The following ACSM2B variants were observed in gnomAD, a reference collection of about 807,000 sequenced individuals.
ACSM2B encodes the protein acyl-CoA synthetase medium chain family member 2B, also known as acyl-coenzyme A synthetase ACSM2B, mitochondrial.
ACSM2B carries 58 observed loss-of-function variants against 78.6 expected under a neutral mutation model. The observed-to-expected ratio is 0.74, with a 90% CI of 0.60 to 0.92. The LOEUF (loss-of-function observed/expected upper bound fraction) is 0.92. Ranked by LOEUF, ACSM2B falls within the 40% of genes least tolerant of loss-of-function variation. The pLI is 0.00. For missense variants in ACSM2B, 688 were observed against 711.2 expected (o/e 0.97, Z 0.37); for synonymous variants, 257 against 256.8 (o/e 1.00, Z -0.01).
intron 10 of ACSM2B, 140 bp from the exon 11 acceptor site, chr16:20,543,402 G>T (rs1596705812): frequency 1.3e-6 from 2 of 1,513,138 alleles, no homozygotes; most frequent in East Asian, 2.3e-5. Context: ...GACATGCCCT[G>T]AACCAGCCAA....
At chr16:20,562,976 A>G (rs1216768349) in intron 2 of ACSM2B, among the ~76,000 whole-genome samples, 1 of 152,100 alleles carries the variant, frequency 6.6e-6, no homozygotes, top group East Asian at 1.9e-4. Context: ...ACTTGAAGAC[A>G]TTTCTCACAT....
chr16:20,551,946 A>G (rs11074460), intron 6 of ACSM2B, among the ~76,000 whole-genome samples, 198 bp downstream of exon 6: 15,622 of 152,076 alleles, frequency 0.1, 1,300 homozygotes, highest in East Asian at 0.49. Context: ...CCTTTTATCT[A>G]TATATGTGCC....
intron 1 of ACSM2B, among the ~76,000 whole-genome samples, chr16:20,568,350 A>T (rs59532339): frequency 0.11 from 15,846 of 145,338 alleles, 1,783 homozygotes; most frequent in African/African-American, 0.28. Flanking sequence ...AATATATCAT[A>T]TATCATATAT....
At chr16:20,566,512 T>A in intron 1 of ACSM2B, among the ~76,000 whole-genome samples, 1 of 114,374 alleles carries the variant, frequency 8.7e-6, no homozygotes, top group East Asian at 2.3e-4. Flanking sequence ...TATCTATATA[T>A]TATATTACAA....
intron 6 of ACSM2B, among the ~76,000 whole-genome samples, chr16:20,551,587 T>C (rs1209973251): frequency 6.6e-6 from 1 of 152,106 alleles, no homozygotes; most frequent in East Asian, 1.9e-4. Flanking sequence ...AGTAAATGTC[T>C]GTTATTTAAG....
intron 3 of ACSM2B, among the ~76,000 whole-genome samples, chr16:20,556,934 T>C (rs1024761481): frequency 6.6e-6 from 1 of 152,106 alleles, no homozygotes; most frequent in African/African-American, 2.4e-5. Context: ...TTTGGTTGCC[T>C]CTGATAGTTT....
chr16:20,554,672 C>T (rs1041739040), intron 4 of ACSM2B, among the ~76,000 whole-genome samples: 1 of 152,210 alleles, frequency 6.6e-6, no homozygotes, highest in African/African-American at 2.4e-5. Flanking sequence ...CCTTGATCAG[C>T]CTCTCTTAGA....
intron 5 of ACSM2B, 102 bp downstream of exon 5, chr16:20,553,675 A>C: frequency 6.6e-7 from 1 of 1,508,990 alleles, no homozygotes; most frequent in Non-Finnish European, 8.9e-7. Flanking sequence ...CTTTCTCAGA[A>C]CCACAAGGTG....
Position 20,536,923 on chromosome 16 carries a change from T to G in ACSM2B, c.*335A>C, listed in dbSNP as rs1278453697. 1 of 207,544 alleles carries G rather than the reference T, an allele frequency of 4.8e-6. No homozygotes were observed. Among genetic ancestry groups the G allele is most frequent in the African/African-American group, 2.3e-5 (1 of 43,514 alleles). The allele number at this position is 207,544 out of a possible 1,614,324, so 12.9% of individuals were successfully genotyped here. A position where few individuals can be genotyped will look rare whatever the true frequency, so the allele number is the denominator to read the frequency against. ...TATCTTTTCTCCCCCTTTCATCTCCTCTTTCCTTTCTTCCTCCTTCCCTTG... is the reference window on the plus strand; with the variant it reads ...TATCTTTTCTCCCCCTTTCATCTCCGCTTTCCTTTCTTCCTCCTTCCCTTG... On this transcript the variant is annotated 3_prime_UTR_variant, in exon 14 of 14. Coordinates refer to ENST00000329697, the MANE Select transcript of ACSM2B (RefSeq NM_001105069.2).
intron 3 of ACSM2B, among the ~76,000 whole-genome samples, chr16:20,558,897 C>T (rs1322358732): frequency 1.3e-5 from 2 of 152,228 alleles, no homozygotes; most frequent in Non-Finnish European, 2.9e-5. Context: ...AGGTCACAGT[C>T]TACCAAATTT....
intron 1 of ACSM2B, among the ~76,000 whole-genome samples, chr16:20,568,017 A>T (rs2015981242): frequency 7.0e-6 from 1 of 143,586 alleles, no homozygotes; most frequent in Non-Finnish European, 1.5e-5. Context: ...ATTTTACATA[A>T]TATGTATTGC....
intron 9 of ACSM2B, 137 bp downstream of exon 9, chr16:20,546,257 C>T (rs2015138316): frequency 7.0e-7 from 1 of 1,426,672 alleles, no homozygotes; most frequent in Admixed American, 2.6e-5. Flanking sequence ...CCCTAACCTC[C>T]CTCCGTCCCT....
At position 20,553,906 on chromosome 16, in the gene ACSM2B, G is replaced by C. The variant is rs149954932; in HGVS notation, c.611C>G (p.Thr204Ser). The change falls in exon 5 of 14, where the codon ACT (threonine) becomes AGT (serine). Residue 204 changes from threonine (T) to serine (S), a missense_variant. Thr to Ser is a moderately conservative substitution (Grantham distance 58, BLOSUM62 1). Transcript: ENST00000329697. ...GCTTCCAGTCTCCACACAGTGATGA[G>C]TGGTGGATGCCTCACTGACAAAGAC... Reference protein sequence around the residue: ...FKKLLNEASTTHHCVETGSQE... With the variant: ...FKKLLNEASTSHHCVETGSQE... 24 of 1,613,736 alleles carry C rather than the reference G, an allele frequency of 1.5e-5. No individual in the cohort carries two copies. In the African/African-American group the frequency reaches 2.9e-4, roughly 20 times the overall value.
chr16:20,560,767 A>T lies in ACSM2B; in HGVS notation c.178-1320T>A, dbSNP rs1335731840. On this transcript the variant is annotated intron_variant, in intron 2 of 13. Coordinates refer to ENST00000329697, the MANE Select transcript of ACSM2B (RefSeq NM_001105069.2). ...AAGGCTTAGAAGAGATAGAAAGATG[A>T]GGAAAAGTTTGGAACGTCTTAGGCA... Among the ~76,000 whole-genome samples the T allele has an allele frequency of 1.3e-5, 2 of 152,136 alleles. 1 individual carries two copies. Among genetic ancestry groups the T allele is most frequent in the South Asian group, 4.2e-4 (2 of 4,806 alleles).
At position 20,569,435 on chromosome 16, in the gene ACSM2B, C is replaced by A. The variant is rs1036070849; in HGVS notation, c.-8-4582G>T. On this transcript the variant is annotated intron_variant, in intron 1 of 13. Coordinates refer to ENST00000329697, the MANE Select transcript of ACSM2B (RefSeq NM_001105069.2). The stretch of plus-strand genomic sequence containing the variant: ...TCCTTCTGTTCCATGGTTCTACGTG[C>A]CTATTTTTATACCAGACCATGCTGT... Among the ~76,000 whole-genome samples the A allele has an allele frequency of 2.0e-5, 3 of 151,530 alleles. 1 individual carries two copies. Among genetic ancestry groups the A allele is most frequent in the Admixed American group, 1.3e-4 (2 of 15,160 alleles).
intron 1 of ACSM2B, among the ~76,000 whole-genome samples, chr16:20,569,304 C>A (rs991547796): frequency 1.3e-5 from 2 of 151,958 alleles, no homozygotes; most frequent in East Asian, 1.9e-4. Flanking sequence ...ATCCCAGAAC[C>A]ATTTGTTGAA....
At chr16:20,557,906 C>A (rs2015525631) in intron 3 of ACSM2B, among the ~76,000 whole-genome samples, 1 of 152,196 alleles carries the variant, frequency 6.6e-6, no homozygotes, top group South Asian at 2.1e-4. Flanking sequence ...TATCTTTGCT[C>A]ATCCCTGGAC....
intron 6 of ACSM2B, chr16:20,549,659 A>G: frequency 2.8e-6 from 1 of 361,264 alleles, no homozygotes; most frequent in Non-Finnish European, 5.3e-6. Flanking sequence ...AACCATGGCC[A>G]TGACAGAGCC....
Position 20,566,270 on chromosome 16 carries a change from T to G in ACSM2B, c.-8-1417A>C, listed in dbSNP as rs1285979920. ...GATTATATATATATATATATATATA[T>G]ATATATATATATATAGACAGATATA... On this transcript the variant is annotated intron_variant, in intron 1 of 13. Coordinates refer to ENST00000329697, the MANE Select transcript of ACSM2B (RefSeq NM_001105069.2). 5.1e-4 allele frequency among the ~76,000 whole-genome samples: 67 copies of G among 130,900 alleles called. 1 individual carries two copies. Among genetic ancestry groups the G allele is most frequent in the African/African-American group, 1.9e-3 (65 of 33,790 alleles). The allele number at this position is 130,900 out of a possible 152,430, so 85.9% of individuals were successfully genotyped here.
Sources: gnomAD v4.1 joint callset for allele counts (sites outside exome capture counted in the v4.1 genomes callset) on GRCh38, gnomAD v4.1.1 for gene constraint, MANE v1.5 for transcripts, NCBI Gene and HGNC (gene_info 2026-07-23, HGNC 2026-07-21) for gene names.